NRXN1: variants seen among roughly 807,000 people sequenced by gnomAD.
NRXN1 encodes the protein neurexin 1.
A neutral mutation model predicts 150.9 loss-of-function variants in NRXN1; 39 were observed. The observed-to-expected ratio is 0.26, with a 90% CI of 0.20 to 0.34. The LOEUF (loss-of-function observed/expected upper bound fraction) is 0.34, where lower values mean the gene tolerates loss of function less well. Ranked by LOEUF, NRXN1 falls within the 10% of genes least tolerant of loss-of-function variation. The pLI, the probability that NRXN1 is intolerant of heterozygous loss-of-function variation, is 1.00. For synonymous variants in NRXN1, 924 were observed against 757.0 expected (o/e 1.22, Z -3.62); for missense variants, 1,815 against 1,949.9 (o/e 0.93, Z 1.30).
chr2:51,004,293 T>A (rs371800450), intron 2 of NRXN1, among the ~76,000 whole-genome samples: 1 of 151,936 alleles, frequency 6.6e-6, no homozygotes, highest in Admixed American at 6.6e-5. Context: ...GTGCAGAGCC[T>A]AAAACAGTTA....
intron 17 of NRXN1, among the ~76,000 whole-genome samples, chr2:50,387,416 A>G (rs1257270449): frequency 6.6e-6 from 1 of 152,148 alleles, no homozygotes; most frequent in East Asian, 1.9e-4. Context: ...TCACTGGGAC[A>G]CTGTTCTCAG....
At chr2:50,440,976 T>C (rs1572981850) in intron 17 of NRXN1, among the ~76,000 whole-genome samples, 1 of 152,190 alleles carries the variant, frequency 6.6e-6, no homozygotes, top group Non-Finnish European at 1.5e-5. Flanking sequence ...TCATAGATAC[T>C]CTCTGTAGCT....
chr2:50,106,832 G>A (rs1195091982), intron 18 of NRXN1, among the ~76,000 whole-genome samples: 1 of 151,832 alleles, frequency 6.6e-6, no homozygotes, highest in Non-Finnish European at 1.5e-5. Flanking sequence ...GTAAATGCAT[G>A]CTTAGCATTT....
chr2:50,837,789 C>T (rs1248296055), intron 5 of NRXN1, among the ~76,000 whole-genome samples: 1 of 152,068 alleles, frequency 6.6e-6, no homozygotes, highest in African/African-American at 2.4e-5. Flanking sequence ...ATGTGCTTGA[C>T]ATTCATGAAA....
At chr2:50,320,355 G>A (rs531880804) in intron 17 of NRXN1, among the ~76,000 whole-genome samples, 1 of 132,400 alleles carries the variant, frequency 7.6e-6, no homozygotes, top group South Asian at 2.5e-4. Flanking sequence ...AGGTTAGTCT[G>A]GGAGTAGGAA....
At chr2:50,775,442 T>G (rs1255401389) in intron 5 of NRXN1, among the ~76,000 whole-genome samples, 1 of 152,174 alleles carries the variant, frequency 6.6e-6, no homozygotes, top group Non-Finnish European at 1.5e-5. Context: ...GTGCTCGCAC[T>G]GCTATGTTCT....
rs1024692772 is a variant in NRXN1 at position 50,346,310 on chromosome 2, C to T, written c.3365-109340G>A. On this transcript the variant is annotated intron_variant, in intron 17 of 22. Coordinates refer to ENST00000401669, the MANE Select transcript of NRXN1 (RefSeq NM_001330078.2). The surrounding 1 kb of genome is among the most constrained non-coding windows in gnomAD (Gnocchi z 5.0). ...CAGACAAAAGGTTCTGCAGAGCCCT[C>T]TTCTCTCTGGTGCTCAGGTCCCTTA... 1.3e-5 allele frequency among the ~76,000 whole-genome samples: 2 copies of T among 152,186 alleles called. No individual in the cohort carries two copies. The highest frequency in any genetic ancestry group is 6.5e-5 in the Admixed American group (1 of 15,284).
At chr2:50,187,025 G>C (rs939798867) in intron 18 of NRXN1, among the ~76,000 whole-genome samples, 1 of 151,986 alleles carries the variant, frequency 6.6e-6, no homozygotes, top group African/African-American at 2.4e-5. Context: ...GATATTTCTA[G>C]AGGTAAGTAA....
chr2:50,394,424 C>A (rs755896671), intron 17 of NRXN1, among the ~76,000 whole-genome samples: 2 of 152,136 alleles, frequency 1.3e-5, no homozygotes, highest in Non-Finnish European at 2.9e-5. Flanking sequence ...AATAACACCA[C>A]TATTCTCACA....
At chr2:50,359,361 A>G (rs1028482726) in intron 17 of NRXN1, among the ~76,000 whole-genome samples, 1 of 149,216 alleles carries the variant, frequency 6.7e-6, no homozygotes, top group Non-Finnish European at 1.5e-5. Flanking sequence ...AGAACCTTGA[A>G]AAAAAGGTAG....
At chr2:50,116,342 T>G (rs2152730852) in intron 18 of NRXN1, among the ~76,000 whole-genome samples, 1 of 152,174 alleles carries the variant, frequency 6.6e-6, no homozygotes, top group Non-Finnish European at 1.5e-5. Flanking sequence ...CAACCTGAAG[T>G]GTTGAGTCAG....
intron 17 of NRXN1, among the ~76,000 whole-genome samples, chr2:50,250,227 C>T (rs995679488): frequency 6.6e-6 from 1 of 152,014 alleles, no homozygotes; most frequent in Non-Finnish European, 1.5e-5. Flanking sequence ...ACAAACCAAC[C>T]CTGTACTTCA....
chr2:50,755,452 A>G (rs926665882), intron 5 of NRXN1, among the ~76,000 whole-genome samples: 4 of 151,820 alleles, frequency 2.6e-5, no homozygotes, highest in Admixed American at 2.0e-4. Flanking sequence ...TTAAAGCACC[A>G]AGCTCCTTCC....
At chr2:50,578,596 T>C (rs1299530415) in intron 8 of NRXN1, among the ~76,000 whole-genome samples, 2 of 152,182 alleles carry the variant, frequency 1.3e-5, no homozygotes, top group Non-Finnish European at 2.9e-5. Context: ...TTTATACTCA[T>C]GTGAATGTGT....
At chr2:50,339,556 G>A (rs1215462204) in intron 17 of NRXN1, among the ~76,000 whole-genome samples, 11 of 152,132 alleles carry the variant, frequency 7.2e-5, no homozygotes, top group Admixed American at 7.2e-4. Context: ...CCGATATTAA[G>A]TTCCCACAAT....
At chr2:50,480,067 C>T (rs1268333433) in intron 15 of NRXN1, among the ~76,000 whole-genome samples, 2 of 152,172 alleles carry the variant, frequency 1.3e-5, no homozygotes, top group African/African-American at 4.8e-5. Context: ...GCCACCATGC[C>T]CGGCCTGATC....
chr2:50,547,296 A>G (rs2093516252), intron 9 of NRXN1, among the ~76,000 whole-genome samples: 1 of 131,644 alleles, frequency 7.6e-6, no homozygotes, highest in South Asian at 2.3e-4. Flanking sequence ...ATGATGGTTT[A>G]CAAAATAAAT....
intron 2 of NRXN1, among the ~76,000 whole-genome samples, chr2:50,965,513 A>G (rs1332594777): frequency 6.6e-6 from 1 of 151,736 alleles, no homozygotes; most frequent in East Asian, 1.9e-4. Context: ...ATAACAAAAT[A>G]ATGTTATTAA....
intron 5 of NRXN1, among the ~76,000 whole-genome samples, chr2:50,685,901 T>G (rs1249821329): frequency 6.6e-6 from 1 of 152,088 alleles, no homozygotes; most frequent in African/African-American, 2.4e-5. Flanking sequence ...TGTTGTAGTT[T>G]ACTTTTTTTC....
Sources: allele counts gnomAD v4.1 joint callset (sites outside exome capture counted in the v4.1 genomes callset), GRCh38; gene constraint gnomAD v4.1.1; non-coding constraint Gnocchi (gnomAD v3.1); transcripts MANE v1.5; gene names NCBI Gene and HGNC (gene_info 2026-07-23, HGNC 2026-07-21).